The following NSG2 variants were observed in gnomAD, a reference collection of about 807,000 sequenced individuals.
The protein encoded by NSG2 is neuronal vesicle trafficking-associated protein 2.
A neutral mutation model predicts 16.9 loss-of-function variants in NSG2; 4 were observed. That is an observed-to-expected ratio of 0.24 (90% CI 0.12 to 0.54). The LOEUF (loss-of-function observed/expected upper bound fraction) is 0.54, where lower values mean the gene tolerates loss of function less well. Ranked by LOEUF, NSG2 falls within the 20% of genes least tolerant of loss-of-function variation. The probability of loss-of-function intolerance (pLI) is 0.95; values close to 1 mark genes in which losing one functional copy is unlikely to be tolerated. For missense variants in NSG2, 179 were observed against 221.1 expected, an observed-to-expected ratio of 0.81 and a Z score of 1.21; for synonymous variants, 98 against 88.7, an observed-to-expected ratio of 1.11 and a Z score of -0.59.
chr5:174,049,189 A>C (rs1759848217), intron 2 of NSG2, among the ~76,000 whole-genome samples: 1 of 152,070 alleles, frequency 6.6e-6, no homozygotes, highest in South Asian at 2.1e-4. Flanking sequence ...AATACAAAAA[A>C]ATTAGCCGGG....
chr5:174,079,057 T>A (rs1027140310), intron 3 of NSG2, among the ~76,000 whole-genome samples: 7 of 152,148 alleles, frequency 4.6e-5, no homozygotes, highest in Admixed American at 4.6e-4. Context: ...ACACCTTCCC[T>A]TTTAATTAAT....
intron 3 of NSG2, among the ~76,000 whole-genome samples, chr5:174,099,423 G>A (rs909618246): frequency 1.1e-4 from 17 of 152,058 alleles, no homozygotes; most frequent in Non-Finnish European, 1.9e-4. Flanking sequence ...CCTGGGACAC[G>A]CCCTACTACA....
At chr5:174,047,023 T>A in intron 2 of NSG2, 139 bp downstream of exon 2, 1 of 837,680 alleles carries the variant, frequency 1.2e-6, no homozygotes, top group Admixed American at 2.5e-5. Context: ...AATGTAGTTA[T>A]TCCTTCCAGA....
At chr5:174,062,097 T>C (rs1048572541) in intron 2 of NSG2, among the ~76,000 whole-genome samples, 3 of 152,088 alleles carry the variant, frequency 2.0e-5, no homozygotes, top group South Asian at 2.1e-4. Context: ...CCAGATGTTA[T>C]TGGATTAATG....
chr5:174,050,243 T>C (rs1759867159), intron 2 of NSG2, among the ~76,000 whole-genome samples: 1 of 152,210 alleles, frequency 6.6e-6, no homozygotes, highest in Admixed American at 6.5e-5. Context: ...ATGGCTTTTC[T>C]TTTTGAAAAT....
intron 4 of NSG2, among the ~76,000 whole-genome samples, chr5:174,105,705 A>G (rs1349763601): frequency 6.6e-6 from 1 of 152,224 alleles, no homozygotes; most frequent in Admixed American, 6.5e-5. Context: ...TTCTGAGACC[A>G]TCCTGACCAA....
At chr5:174,057,732 G>C (rs1331112058) in intron 2 of NSG2, among the ~76,000 whole-genome samples, 1 of 152,150 alleles carries the variant, frequency 6.6e-6, no homozygotes, top group Non-Finnish European at 1.5e-5. Context: ...TGCCTCTCTA[G>C]CTTCCTCCCT....
chr5:174,074,708 ACTCCCAGTGTT>A (rs1760306934), intron 3 of NSG2, among the ~76,000 whole-genome samples: 1 of 151,000 alleles, frequency 6.6e-6, no homozygotes, highest in African/African-American at 2.4e-5. Flanking sequence ...GCCTTCCTAC[ACTCCCAGTGTT>A]CTGGGGCTCT....
chr5:174,071,313 A>G (rs1198796971), intron 3 of NSG2, among the ~76,000 whole-genome samples: 2 of 152,102 alleles, frequency 1.3e-5, no homozygotes, highest in Admixed American at 1.3e-4. Flanking sequence ...ATGGTGAAAC[A>G]CCGTCTCTAC....
Position 174,104,323 on chromosome 5 carries a change from G to T in NSG2, c.309G>T (p.Glu103Asp). 1 of 1,613,136 alleles carries T rather than the reference G, an allele frequency of 6.2e-7. No individual in the cohort carries two copies. Among genetic ancestry groups the T allele is most frequent in the Non-Finnish European group, 8.5e-7 (1 of 1,179,062 alleles). ...TCACCTATGATCACAGCTGCCCAGA[G>T]GGATTCGTCTATAAGGTAAGAGGTG... ...KAFTYDHSCP[E>D]GFVYKHKRCI... Residue 103 changes from glutamate to aspartate, a missense_variant, in exon 4 of 5, where the codon GAG (glutamate) becomes GAT (aspartate). Transcript: ENST00000303177.
chr5:174,055,764 G>A (rs1277937606), intron 2 of NSG2, among the ~76,000 whole-genome samples: 1 of 152,176 alleles, frequency 6.6e-6, no homozygotes, highest in Non-Finnish European at 1.5e-5. Flanking sequence ...ACTGAGAGTT[G>A]GCATTCATAC....
intron 3 of NSG2, among the ~76,000 whole-genome samples, chr5:174,103,465 A>T (rs10060667): frequency 0.024 from 3,668 of 152,094 alleles, 132 homozygotes; most frequent in African/African-American, 0.083. Flanking sequence ...AATGTGTTGA[A>T]AGTGTGTATT....
At chr5:174,105,558 A>T (rs1760964054) in intron 4 of NSG2, among the ~76,000 whole-genome samples, 1 of 152,228 alleles carries the variant, frequency 6.6e-6, no homozygotes, top group South Asian at 2.1e-4. Context: ...CTACTGAACG[A>T]ACGTGGAGGT....
chr5:174,096,061 T>G (rs572438560), intron 3 of NSG2, among the ~76,000 whole-genome samples: 1 of 152,366 alleles, frequency 6.6e-6, no homozygotes, highest in East Asian at 1.9e-4. Flanking sequence ...CTTAGTCTTC[T>G]CATCTGAAAA....
chr5:174,074,067 A>G (rs1233906051), intron 3 of NSG2, among the ~76,000 whole-genome samples: 3 of 152,192 alleles, frequency 2.0e-5, no homozygotes, highest in South Asian at 2.1e-4. Flanking sequence ...AGCAAAGGCT[A>G]CAAATCTCCT....
chr5:174,093,650 C>T (rs1048585800), intron 3 of NSG2, among the ~76,000 whole-genome samples: 21 of 152,170 alleles, frequency 1.4e-4, no homozygotes, highest in African/African-American at 4.6e-4. Flanking sequence ...AACAAGGTGC[C>T]GGGAGGCCTA....
At chr5:174,088,242 G>A (rs1266603501) in intron 3 of NSG2, among the ~76,000 whole-genome samples, 3 of 152,176 alleles carry the variant, frequency 2.0e-5, no homozygotes, top group Non-Finnish European at 4.4e-5. Flanking sequence ...TGAAGAAACT[G>A]AGGCTTAGAG....
intron 3 of NSG2, among the ~76,000 whole-genome samples, chr5:174,095,341 G>T (rs1018506834): frequency 1.3e-5 from 2 of 152,150 alleles, no homozygotes; most frequent in Non-Finnish European, 2.9e-5. Context: ...ACAGTTCAGG[G>T]TGTCAGACAT....
At chr5:174,100,387 C>T (rs1760879886) in intron 3 of NSG2, among the ~76,000 whole-genome samples, 1 of 152,212 alleles carries the variant, frequency 6.6e-6, no homozygotes, top group Admixed American at 6.5e-5. Flanking sequence ...GTTTGAATCC[C>T]AGGGGATTCT....
Sources: gnomAD v4.1 joint callset for allele counts (sites outside exome capture counted in the v4.1 genomes callset) on GRCh38, gnomAD v4.1.1 for gene constraint, MANE v1.5 for transcripts, NCBI Gene and HGNC (gene_info 2026-07-23, HGNC 2026-07-21) for gene names.